GPC6: variants seen among roughly 807,000 people sequenced by gnomAD.
GPC6 encodes glypican 6.
Under a neutral mutation model 55.2 loss-of-function variants are expected in GPC6, and 14 were observed. The observed-to-expected ratio is 0.25, with a 90% CI of 0.17 to 0.40. GPC6 has a LOEUF of 0.40. Ranked by LOEUF, GPC6 falls within the 10% of genes least tolerant of loss-of-function variation. The pLI, the probability that GPC6 is intolerant of heterozygous loss-of-function variation, is 1.00. For synonymous variants in GPC6, 278 were observed against 259.6 expected, an observed-to-expected ratio of 1.07 and a Z score of -0.68; for missense variants, 641 against 708.5, an observed-to-expected ratio of 0.90 and a Z score of 1.08.
intron 1 of GPC6, among the ~76,000 whole-genome samples, chr13:93,258,356 C>T (rs1877026125): frequency 6.6e-6 from 1 of 152,128 alleles, no homozygotes; most frequent in African/African-American, 2.4e-5. Context: ...TCAGCATTGT[C>T]CTCAAGTATC....
chr13:94,368,711 A>C (rs1319471403), intron 6 of GPC6, among the ~76,000 whole-genome samples: 1 of 152,142 alleles, frequency 6.6e-6, no homozygotes, highest in Admixed American at 6.5e-5. Flanking sequence ...TCCAGAGTGC[A>C]TGTGTTTCCC....
rs544129939 is a variant in GPC6 at position 93,707,795 on chromosome 13, C to T, written c.320-122359C>T. On this transcript the variant is annotated intron_variant, in intron 2 of 8. Coordinates refer to ENST00000377047, the MANE Select transcript of GPC6 (RefSeq NM_005708.5). Reference sequence around the variant, plus strand: ...ATATTTTACTAAATGATATTTTTTTCTTCTAGATGATCTGGTATAAAGATG... The same window carrying T: ...ATATTTTACTAAATGATATTTTTTTTTTCTAGATGATCTGGTATAAAGATG... Among the ~76,000 whole-genome samples, 6 of 151,768 alleles carry T rather than the reference C, an allele frequency of 4.0e-5. No individual in the cohort carries two copies. In the South Asian group the frequency reaches 1.0e-3, roughly 26 times the overall value.
chr13:94,008,014 C>G (rs934594020), intron 3 of GPC6, among the ~76,000 whole-genome samples: 1 of 152,082 alleles, frequency 6.6e-6, no homozygotes, highest in Non-Finnish European at 1.5e-5. Flanking sequence ...TGTCAATATT[C>G]ATTCCAAAAT....
chr13:93,954,698 C>G (rs9516319), intron 3 of GPC6, among the ~76,000 whole-genome samples: 2 of 151,982 alleles, frequency 1.3e-5, no homozygotes, highest in African/African-American at 4.8e-5. Flanking sequence ...ACAGACCTGC[C>G]TGGGAAGCTC....
intron 4 of GPC6, among the ~76,000 whole-genome samples, chr13:94,040,210 C>T (rs1883481971): frequency 6.6e-6 from 1 of 151,700 alleles, no homozygotes; most frequent in Non-Finnish European, 1.5e-5. Flanking sequence ...TTACAAAAAC[C>T]TTCCCCAAAA....
chr13:93,916,391 C>G (rs1323094425), intron 3 of GPC6, among the ~76,000 whole-genome samples: 1 of 152,048 alleles, frequency 6.6e-6, no homozygotes, highest in African/African-American at 2.4e-5. Context: ...TTTTTCATCA[C>G]AGAACTGGAA....
At chr13:93,637,780 A>C (rs2139580960) in intron 2 of GPC6, among the ~76,000 whole-genome samples, 1 of 152,236 alleles carries the variant, frequency 6.6e-6, no homozygotes, top group Admixed American at 6.5e-5. Flanking sequence ...TATGAAAGTG[A>C]AATTTGCAGC....
intron 4 of GPC6, among the ~76,000 whole-genome samples, chr13:94,029,999 C>G (rs959861028): frequency 2.0e-5 from 3 of 150,916 alleles, no homozygotes; most frequent in Non-Finnish European, 4.4e-5. Context: ...ACCCTTTCTT[C>G]CCGTCTTTTT....
Position 93,439,154 on chromosome 13 carries a change from C to CA in GPC6, c.161-106102dup, listed in dbSNP as rs1186145044. Among the ~76,000 whole-genome samples the CA allele has an allele frequency of 4.6e-5, 7 of 151,868 alleles. No individual in the cohort carries two copies. In the South Asian group the frequency reaches 1.5e-3, roughly 32 times the overall value. The stretch of plus-strand genomic sequence containing the variant: ...ACATATCTTATATGCATTGAGAAAC[C>CA]AAAAAAATTGTGTGACTCACTTTGT... On this transcript the variant is annotated intron_variant, in intron 1 of 8. Transcript: ENST00000377047.
At chr13:93,319,044 C>T (rs1594093519) in intron 1 of GPC6, among the ~76,000 whole-genome samples, 1 of 152,038 alleles carries the variant, frequency 6.6e-6, no homozygotes, top group African/African-American at 2.4e-5. Context: ...AGTGAGATAT[C>T]CCATCAATTA....
At chr13:93,547,241 G>T (rs143967745) in intron 2 of GPC6, among the ~76,000 whole-genome samples, 1 of 151,698 alleles carries the variant, frequency 6.6e-6, no homozygotes. Flanking sequence ...AGCTACTGGG[G>T]AGGCCAAGGC....
intron 4 of GPC6, among the ~76,000 whole-genome samples, chr13:94,247,297 A>G (rs1054172058): frequency 4.6e-5 from 7 of 152,054 alleles, no homozygotes; most frequent in African/African-American, 1.7e-4. Context: ...TGCAGATACA[A>G]ATAATTTTAC....
Position 93,245,533 on chromosome 13 carries a change from A to G in GPC6, c.160+17917A>G, listed in dbSNP as rs79269719. The stretch of plus-strand genomic sequence containing the variant: ...CTCCCAGACTTTCTGATTCAGTAGT[A>G]GTTCTGGCCTGGAGTCTGTAATTTG... On this transcript the variant is annotated intron_variant, in intron 1 of 8. Coordinates refer to ENST00000377047, the MANE Select transcript of GPC6 (RefSeq NM_005708.5). Among the ~76,000 whole-genome samples the G allele has an allele frequency of 1.5e-4, 23 of 152,322 alleles. No homozygotes were observed. In the East Asian group the frequency reaches 4.4e-3, roughly 29 times the overall value.
intron 4 of GPC6, among the ~76,000 whole-genome samples, chr13:94,179,621 T>C (rs987519143): frequency 5.3e-5 from 8 of 152,204 alleles, no homozygotes; most frequent in South Asian, 4.1e-4. Context: ...TACCTATTCA[T>C]TGAAAATAAA....
rs534151363 is a variant in GPC6 at position 94,197,035 on chromosome 13, T to G, written c.878-89314T>G. ...ATAACAAATGATGTCAAAATGTGGG[T>G]TTTTTTTAACACATTGATACCATTC... On this transcript the variant is annotated intron_variant, in intron 4 of 8. Coordinates refer to ENST00000377047, the MANE Select transcript of GPC6 (RefSeq NM_005708.5). 4.6e-3 allele frequency among the ~76,000 whole-genome samples: 527 copies of G among 114,794 alleles called. 1 individual carries two copies. The highest frequency in any genetic ancestry group is 0.012 in the African/African-American group (415 of 35,068). The allele number at this position is 114,794 out of a possible 152,430, so 75.3% of individuals were successfully genotyped here.
intron 7 of GPC6, among the ~76,000 whole-genome samples, chr13:94,386,234 C>T (rs575730188): frequency 2.6e-5 from 4 of 152,206 alleles, no homozygotes; most frequent in South Asian, 2.1e-4. Context: ...GTGGTGGGTG[C>T]CTGTAGTCCC....
chr13:93,503,425 G>A (rs568094809), intron 1 of GPC6, among the ~76,000 whole-genome samples: 46 of 152,270 alleles, frequency 3.0e-4, no homozygotes, highest in African/African-American at 1.0e-3. Flanking sequence ...CAATAATCTC[G>A]CTGCAGGGAT....
chr13:94,076,132 GTT>G (rs61343081), intron 4 of GPC6, among the ~76,000 whole-genome samples: 2 of 144,356 alleles, frequency 1.4e-5, no homozygotes, highest in African/African-American at 2.5e-5. Flanking sequence ...TATTATCTTT[GTT>G]TTTTTTTTTT....
chr13:93,492,108 G>A (rs1880037733), intron 1 of GPC6, among the ~76,000 whole-genome samples: 1 of 144,568 alleles, frequency 6.9e-6, no homozygotes, highest in Admixed American at 7.0e-5. Context: ...AAATTACCTT[G>A]GGCAGTATGG....
Sources: allele counts gnomAD v4.1 joint callset (sites outside exome capture counted in the v4.1 genomes callset), GRCh38; gene constraint gnomAD v4.1.1; transcripts MANE v1.5; gene names NCBI Gene and HGNC (gene_info 2026-07-23, HGNC 2026-07-21).